The following CASKIN1 variants were observed in gnomAD, a reference collection of about 807,000 sequenced individuals.
CASKIN1 encodes the protein CASK interacting protein 1.
CASKIN1 carries 42 observed loss-of-function variants against 117.5 expected under a neutral mutation model. The observed-to-expected ratio is 0.36, with a 90% CI of 0.28 to 0.46. The LOEUF (loss-of-function observed/expected upper bound fraction) is 0.46, where lower values mean the gene tolerates loss of function less well. Among genes scored for constraint, CASKIN1 ranks in the 20% least tolerant of loss-of-function variants. The pLI is 1.00. For missense variants in CASKIN1, 2,083 were observed against 2,077.3 expected, an observed-to-expected ratio of 1.00 and a Z score of -0.05; for synonymous variants, 1,148 against 961.7, an observed-to-expected ratio of 1.19 and a Z score of -3.59.
Position 2,178,281 on chromosome 16 carries a change from C to A in CASKIN1, c.*269G>T. On this transcript the variant is annotated 3_prime_UTR_variant, in exon 20 of 20. Transcript: ENST00000343516. ...CCATCCCTGGTCCCGGGGCGCCCTC[C>A]CCTCCCGCGCGGGCAGGAGGCCCAG... 1 of 406,136 alleles carries A rather than the reference C, an allele frequency of 2.5e-6. No homozygotes were observed. The highest frequency in any genetic ancestry group is 4.5e-6 in the Non-Finnish European group (1 of 224,482). The allele number at this position is 406,136 out of a possible 1,614,324, so 25.2% of individuals were successfully genotyped here.
chr16:2,180,596 T>C lies in CASKIN1; in HGVS notation c.2772A>G (p.Ala924=). Reference sequence around the variant, plus strand: ...TGCGGTTGACGTTCTTGTCGGCACCTGCGGGCGCCCTCACTGAGTGGCTGC... The same window carrying C: ...TGCGGTTGACGTTCTTGTCGGCACCCGCGGGCGCCCTCACTGAGTGGCTGC... ...VGRSHSVRAP[A]GADKNVNRSQ... is the part of the protein sequence containing the mutation. The change falls in exon 18 of 20, where the codon GCA becomes GCG. Residue 924 remains alanine (A), a synonymous_variant. Transcript: ENST00000343516. The C allele has an allele frequency of 2.5e-6, 4 of 1,573,074 alleles. No individual in the cohort carries two copies. Among genetic ancestry groups the C allele is most frequent in the Non-Finnish European group, 3.4e-6 (4 of 1,166,708 alleles).
Position 2,196,383 on chromosome 16 carries a change from C to A in CASKIN1, c.50G>T (p.Gly17Val). The A allele has an allele frequency of 7.3e-7, 1 of 1,374,216 alleles. No homozygotes were observed. The highest frequency in any genetic ancestry group is 1.4e-5 in the South Asian group (1 of 71,760). The allele number at this position is 1,374,216 out of a possible 1,614,324, so 85.1% of individuals were successfully genotyped here. A position where few individuals can be genotyped will look rare whatever the true frequency, so the allele number is the denominator to read the frequency against. ...LVQAVKAEDV[G>V]TAQRLLQRPR... Reference sequence around the variant, plus strand: ...CCTCTGCAGCAGCCTCTGCGCGGTCCCTACGTCCTCCGCCTTCACCGCCTG... The same window carrying A: ...CCTCTGCAGCAGCCTCTGCGCGGTCACTACGTCCTCCGCCTTCACCGCCTG... The change falls in exon 1 of 20, where the codon GGG (glycine) becomes GTG (valine). Residue 17 changes from glycine (G) to valine (V), a missense_variant. This residue lies in a region of CASKIN1 where 62 missense variants were observed against 49.7 expected (regional missense o/e 1.25). Transcript: ENST00000343516. This position sits in a 1 kb window ranked among gnomAD's most constrained non-coding sequence, Gnocchi z 5.7.
chr16:2,180,509 G>C lies in CASKIN1; in HGVS notation c.2859C>G (p.Ser953=), dbSNP rs760233219. 6.4e-7 allele frequency: 1 copy of C among 1,550,836 alleles called. No homozygotes were observed. The highest frequency in any genetic ancestry group is 1.2e-5 in the South Asian group (1 of 85,516). The part of the protein sequence containing the change: ...KGPPPPPPKR[S]SSALASANLA... The stretch of plus-strand genomic sequence containing the variant: ...GGTTGGCACTAGCCAGGGCCGAGCT[G>C]GAGCGCTTGGGTGGGGGCGGCGGGG... Residue 953 remains serine, a synonymous_variant, in exon 18 of 20, where the codon TCC becomes TCG. Coordinates refer to ENST00000343516, the MANE Select transcript of CASKIN1 (RefSeq NM_020764.4).
intron 19 of CASKIN1, 110 bp from the exon 20 acceptor site, chr16:2,178,756 C>T (rs2093154288): frequency 1.5e-6 from 2 of 1,336,068 alleles, no homozygotes; most frequent in Admixed American, 3.1e-5. Flanking sequence ...GCCTACCGCA[C>T]GACGACCTCG....
intron 19 of CASKIN1, 90 bp from the exon 20 acceptor site, chr16:2,178,736 G>T (rs2093154190): frequency 1.5e-6 from 2 of 1,355,734 alleles, no homozygotes. Flanking sequence ...CCGCATCTCC[G>T]TCGGCTTCCG....
chr16:2,177,235 T>C lies in CASKIN1; in HGVS notation c.*1315A>G, dbSNP rs1596682049. On this transcript the variant is annotated 3_prime_UTR_variant, in exon 20 of 20. Transcript: ENST00000343516. The stretch of plus-strand genomic sequence containing the variant: ...GGCAGCGCCTTGCCCAGACCTCCCC[T>C]GCCCACCTGCTGGAGCCCAGCCTGT... 8.3e-6 allele frequency: 2 copies of C among 240,860 alleles called. No homozygotes were observed. Among genetic ancestry groups the C allele is most frequent in the Middle Eastern group, 2.6e-3 (2 of 778 alleles). 14.9% of individuals were successfully genotyped at this position (240,860 alleles called of 1,614,324 possible).
chr16:2,192,862 C>T (rs538615300), intron 1 of CASKIN1, among the ~76,000 whole-genome samples: 29 of 152,294 alleles, frequency 1.9e-4, no homozygotes, highest in Non-Finnish European at 2.9e-4. Context: ...AATGGTGCCC[C>T]GCGCAGCTGA....
rs765264065 is a variant in CASKIN1, at chr16:2,178,916, G to A, written c.4185C>T (p.Asp1395=). 2.4e-5 allele frequency: 36 copies of A among 1,481,020 alleles called. No individual in the cohort carries two copies. The highest frequency in any genetic ancestry group is 5.9e-5 in the African/African-American group (4 of 68,054). The allele number at this position is 1,481,020 out of a possible 1,614,324, so 91.7% of individuals were successfully genotyped here. ...CCCGCACCTACCGCGGGCCCTGCGC[G>A]TCCTCCTGCCGGATCTTCTCCTCCA... is the stretch of plus-strand genomic sequence containing the variant. The part of the protein sequence containing the change: ...QAVEEKIRQE[D]AQGPRDSAAE... The change falls in exon 19 of 20, where the codon GAC becomes GAT. Residue 1395 remains aspartate (D), a synonymous_variant. Coordinates refer to ENST00000343516, the MANE Select transcript of CASKIN1 (RefSeq NM_020764.4).
intron 1 of CASKIN1, among the ~76,000 whole-genome samples, chr16:2,194,447 G>A (rs544727699): frequency 3.9e-5 from 6 of 152,130 alleles, no homozygotes; most frequent in Non-Finnish European, 5.9e-5. Context: ...AGCAGGGGCT[G>A]GAGGGAAGGG....
rs368054223 is a variant in CASKIN1, at chr16:2,180,356, G to A, written c.3012C>T (p.Ile1004=). Residue 1004 remains isoleucine (I), a synonymous_variant, in exon 18 of 20, where the codon ATC becomes ATT. Coordinates refer to ENST00000343516, the MANE Select transcript of CASKIN1 (RefSeq NM_020764.4). ...TGGAGGACAGCTCCAGCATGGCCGC[G>A]ATGCTCTTCACACTGCCGGCACTAC... is the stretch of plus-strand genomic sequence containing the variant. ...DTGSAGSVKS[I]AAMLELSSIG... is the part of the protein sequence containing the mutation. 92 of 1,596,434 alleles carry A rather than the reference G, an allele frequency of 5.8e-5. 1 individual carries two copies. In the East Asian group the frequency reaches 1.3e-3, roughly 22 times the overall value.
At chr16:2,192,421 G>A (rs372797689) in intron 1 of CASKIN1, among the ~76,000 whole-genome samples, 9 of 152,174 alleles carry the variant, frequency 5.9e-5, no homozygotes, top group African/African-American at 2.2e-4. Flanking sequence ...GCTGTGCTAG[G>A]AGGGGAGGCT....
intron 17 of CASKIN1, 45 bp downstream of exon 17, chr16:2,181,746 G>A (rs753386665): frequency 1.3e-6 from 2 of 1,597,094 alleles, no homozygotes; most frequent in South Asian, 2.2e-5. Flanking sequence ...CTGGGGCTTG[G>A]GCTGAGGGTT....
chr16:2,181,395 C>A lies in CASKIN1; in HGVS notation c.1973G>T (p.Ser658Ile). The part of the protein sequence containing the change: ...KMTTFQDSEL[S>I]DELQAAMTGP... ...AGTCATGGCAGCCTGCAGCTCGTCA[C>A]TGAGCTCGCTGTCCTGGAAGGTGGT... Residue 658 changes from serine (S) to isoleucine (I), a missense_variant, in exon 18 of 20, where the codon AGT becomes ATT. By Grantham distance (142) the Ser-to-Ile change is moderately radical. Around this residue, in one of 3 missense-constraint regions of CASKIN1, gnomAD observed 1,818 missense variants for 1,688.9 expected, o/e 1.08. Coordinates refer to ENST00000343516, the MANE Select transcript of CASKIN1 (RefSeq NM_020764.4). 1 of 1,610,942 alleles carries A rather than the reference C, an allele frequency of 6.2e-7. No individual in the cohort carries two copies.
Position 2,179,732 on chromosome 16 carries a change from G to A in CASKIN1, c.3636C>T (p.Pro1212=), listed in dbSNP as rs371921994. Reference sequence around the variant, plus strand: ...GCTTCCGGGCTTCGCCCTCGGGCGGGGGCAATGGGGGTAGGTGCGCCAGGT... The same window carrying A: ...GCTTCCGGGCTTCGCCCTCGGGCGGAGGCAATGGGGGTAGGTGCGCCAGGT... ...PTDLAHLPPL[P]PPEGEARKPA... Residue 1212 remains proline, a synonymous_variant, in exon 18 of 20, where the codon CCC becomes CCT. Coordinates refer to ENST00000343516, the MANE Select transcript of CASKIN1 (RefSeq NM_020764.4). The surrounding 1 kb of genome is among the most constrained non-coding windows in gnomAD (Gnocchi z 5.8). The A allele has an allele frequency of 1.4e-4, 217 of 1,551,606 alleles. No homozygotes were observed. The highest frequency in any genetic ancestry group is 1.8e-4 in the Non-Finnish European group (210 of 1,154,964).
Position 2,178,674 on chromosome 16 carries a change from G to C in CASKIN1, c.4200-28C>G, listed in dbSNP as rs1158237493. The C allele has an allele frequency of 4.5e-6, 7 of 1,568,320 alleles. No homozygotes were observed. In the Admixed American group the frequency reaches 1.2e-4, roughly 27 times the overall value. On this transcript the variant is annotated intron_variant, in intron 19 of 19. Transcript: ENST00000343516. The stretch of plus-strand genomic sequence containing the variant: ...GCGGGGCGCGGGGCAAGGGGCGTGA[G>C]TGGGCGGGGCGGGTCTGGCCACGCC...
Position 2,180,942 on chromosome 16 carries a change from T to C in CASKIN1, c.2426A>G (p.Gln809Arg). ...GGGGCGCTCTGTCGGCGGCAGCAGC[T>C]GCGGGGTGGGCTTCACCTTGGCCGT... is the stretch of plus-strand genomic sequence containing the variant. Reference protein sequence around the residue: ...PATAKVKPTPQLLPPTERPMS... With the variant: ...PATAKVKPTPRLLPPTERPMS... The change falls in exon 18 of 20, where the codon CAG becomes CGG. Residue 809 changes from glutamine (Q) to arginine (R), a missense_variant. Coordinates refer to ENST00000343516, the MANE Select transcript of CASKIN1 (RefSeq NM_020764.4). 1 of 1,463,434 alleles carries C rather than the reference T, an allele frequency of 6.8e-7. No individual in the cohort carries two copies. Among genetic ancestry groups the C allele is most frequent in the Non-Finnish European group, 9.0e-7 (1 of 1,113,446 alleles). The allele number at this position is 1,463,434 out of a possible 1,614,324, so 90.7% of individuals were successfully genotyped here.
intron 6 of CASKIN1, 57 bp downstream of exon 6, chr16:2,188,970 G>C (rs2093192909): frequency 1.3e-6 from 2 of 1,559,578 alleles, no homozygotes; most frequent in Non-Finnish European, 1.7e-6. Flanking sequence ...TGAGCCCCAG[G>C]CTGCTGCTGA....
chr16:2,180,203 A>G lies in CASKIN1; in HGVS notation c.3165T>C (p.Pro1055=). ...ASVKHKEAIG[P]GGEVVNRRRT... The stretch of plus-strand genomic sequence containing the variant: ...GGCGCCGGTTCACCACCTCCCCGCC[A>G]GGCCCGATGGCCTCTTTGTGTTTCA... Residue 1055 remains proline (P), a synonymous_variant, in exon 18 of 20, where the codon CCT becomes CCC. Coordinates refer to ENST00000343516, the MANE Select transcript of CASKIN1 (RefSeq NM_020764.4). The G allele has an allele frequency of 6.5e-7, 1 of 1,549,916 alleles. No homozygotes were observed. The highest frequency in any genetic ancestry group is 8.7e-7 in the Non-Finnish European group (1 of 1,147,522).
In CASKIN1 at chr16:2,180,662, C is replaced by T. The variant is rs748035365; in HGVS notation, c.2706G>A (p.Ala902=). 82 of 1,526,508 alleles carry T rather than the reference C, an allele frequency of 5.4e-5. No homozygotes were observed. Among genetic ancestry groups the T allele is most frequent in the Middle Eastern group, 3.7e-4 (2 of 5,376 alleles). The allele number at this position is 1,526,508 out of a possible 1,614,324, so 94.6% of individuals were successfully genotyped here. A position where few individuals can be genotyped will look rare whatever the true frequency, so the allele number is the denominator to read the frequency against. ...GGACCGTGGCATAGGGGCCGGCAGC[C>T]GCAGGCACCAGCAGCTCGTCCCGCT... ...EPERDELLVP[A]AAGPYATVQR... is the part of the protein sequence containing the mutation. Residue 902 remains alanine, a synonymous_variant, in exon 18 of 20, where the codon GCG becomes GCA. Coordinates refer to ENST00000343516, the MANE Select transcript of CASKIN1 (RefSeq NM_020764.4).
Sources: gnomAD v4.1 joint callset for allele counts (sites outside exome capture counted in the v4.1 genomes callset) on GRCh38, gnomAD v4.1.1 for gene constraint, gnomAD v4.1.1 regional missense constraint, Gnocchi (gnomAD v3.1) non-coding constraint, MANE v1.5 for transcripts, NCBI Gene and HGNC (gene_info 2026-07-23, HGNC 2026-07-21) for gene names.